IL17RD: variants seen among roughly 807,000 people sequenced by gnomAD.
IL17RD encodes the protein interleukin 17 receptor D, also known as interleukin-17 receptor D.
IL17RD carries 52 observed loss-of-function variants against 80.5 expected under a neutral mutation model. The ratio of observed to expected loss-of-function variants is 0.65; its 90% CI spans 0.52 to 0.81. The LOEUF (loss-of-function observed/expected upper bound fraction) is 0.81, where lower values mean the gene tolerates loss of function less well. IL17RD is among the 40% of genes least tolerant of loss of function. The pLI, the probability that IL17RD is intolerant of heterozygous loss-of-function variation, is 0.00. For missense variants in IL17RD, 1,024 were observed against 955.1 expected, an observed-to-expected ratio of 1.07 and a Z score of -0.95; for synonymous variants, 416 against 391.8, an observed-to-expected ratio of 1.06 and a Z score of -0.73.
chr3:57,155,642 G>A (rs1159264102), intron 1 of IL17RD, among the ~76,000 whole-genome samples: 1 of 152,164 alleles, frequency 6.6e-6, no homozygotes, highest in Non-Finnish European at 1.5e-5. Flanking sequence ...CCAGGCTGGA[G>A]TACAATGGCA....
At chr3:57,158,529 T>C (rs2060283433) in intron 1 of IL17RD, among the ~76,000 whole-genome samples, 2 of 152,256 alleles carry the variant, frequency 1.3e-5, no homozygotes, top group Admixed American at 1.3e-4. Flanking sequence ...CAGTGATTTG[T>C]TGAGGACAGC....
chr3:57,116,982 G>A (rs1242269617), intron 2 of IL17RD, among the ~76,000 whole-genome samples: 1 of 151,490 alleles, frequency 6.6e-6, no homozygotes, highest in Non-Finnish European at 1.5e-5. Context: ...GAATCAAACA[G>A]CTCTGAAAAG....
At chr3:57,128,709 C>T (rs989333676) in intron 1 of IL17RD, among the ~76,000 whole-genome samples, 6 of 152,112 alleles carry the variant, frequency 3.9e-5, no homozygotes, top group Middle Eastern at 3.2e-3. Flanking sequence ...TTCTTCCCCA[C>T]GCCTGACTTT....
intron 1 of IL17RD, among the ~76,000 whole-genome samples, chr3:57,127,567 G>T (rs1360809981): frequency 1.3e-5 from 2 of 150,400 alleles, no homozygotes; most frequent in East Asian, 3.9e-4. Flanking sequence ...CACCATGTCT[G>T]GCTAATTTTT....
intron 1 of IL17RD, among the ~76,000 whole-genome samples, chr3:57,154,128 G>T (rs2060250563): frequency 6.6e-6 from 1 of 150,680 alleles, no homozygotes; most frequent in South Asian, 2.1e-4. Flanking sequence ...ACACGCCTGT[G>T]GTCCCAGCTA....
upstream of IL17RD, among the ~76,000 whole-genome samples, chr3:57,167,582 T>G (rs1422423545): frequency 6.6e-6 from 1 of 152,178 alleles, no homozygotes; most frequent in African/African-American, 2.4e-5. Flanking sequence ...CTATACATGC[T>G]TTATAACTTA....
chr3:57,102,716 G>T, intron 9 of IL17RD, 127 bp from the exon 10 acceptor site: 2 of 483,912 alleles, frequency 4.1e-6, no homozygotes, highest in Non-Finnish European at 7.4e-6. Flanking sequence ...CCTTTCTCTA[G>T]TGTGGTTTGG....
In IL17RD at chr3:57,098,591, G is replaced by A. The variant is rs1231396914; in HGVS notation, c.1165-53C>T. 10 of 1,207,832 alleles carry A rather than the reference G, an allele frequency of 8.3e-6. No homozygotes were observed. In the African/African-American group the frequency reaches 9.1e-5, roughly 11 times the overall value. The allele number at this position is 1,207,832 out of a possible 1,614,324, so 74.8% of individuals were successfully genotyped here. A position where few individuals can be genotyped will look rare whatever the true frequency, so the allele number is the denominator to read the frequency against. ...ATACAGAAGGCTCGGGAAGAGGCTC[G>A]GGAAGTGAGTAACAGGAAGGGAAAT... On this transcript the variant is annotated intron_variant, in intron 11 of 12. Transcript: ENST00000296318.
chr3:57,119,156 T>C (rs1707279422), intron 2 of IL17RD, among the ~76,000 whole-genome samples: 1 of 151,986 alleles, frequency 6.6e-6, no homozygotes, highest in South Asian at 2.1e-4. Flanking sequence ...ATCAAGACCA[T>C]CCTGGCTAAC....
rs993908871 is a variant in IL17RD at position 57,091,637 on chromosome 3, A to C, written c.*4756T>G. ...GTGGAATTATTTATCACTGAAATAAAAACACCAGGGGGATGACTTCACTGT... is the reference window on the plus strand; with the variant it reads ...GTGGAATTATTTATCACTGAAATAACAACACCAGGGGGATGACTTCACTGT... On this transcript the variant is annotated 3_prime_UTR_variant, in exon 13 of 13. Coordinates refer to ENST00000296318, the MANE Select transcript of IL17RD (RefSeq NM_017563.5). 6.6e-6 allele frequency: 1 copy of C among 152,648 alleles called. No individual in the cohort carries two copies. Among genetic ancestry groups the C allele is most frequent in the African/African-American group, 2.4e-5 (1 of 41,464 alleles). 9.5% of individuals were successfully genotyped at this position (152,648 alleles called of 1,614,324 possible).
intron 1 of IL17RD, among the ~76,000 whole-genome samples, chr3:57,139,770 T>C (rs998566376): frequency 6.6e-6 from 1 of 152,060 alleles, no homozygotes; most frequent in African/African-American, 2.4e-5. Flanking sequence ...ACCTCAGCCT[T>C]CCTCCAAAAG....
chr3:57,125,233 C>A (rs1707434041), intron 1 of IL17RD, among the ~76,000 whole-genome samples: 1 of 152,052 alleles, frequency 6.6e-6, no homozygotes, highest in Non-Finnish European at 1.5e-5. Flanking sequence ...ATGGTAAAAC[C>A]CCGCCTCTAC....
intron 1 of IL17RD, among the ~76,000 whole-genome samples, chr3:57,148,959 A>G (rs1271784999): frequency 6.6e-6 from 1 of 152,066 alleles, no homozygotes; most frequent in African/African-American, 2.4e-5. Flanking sequence ...TAAAATGAAC[A>G]AGGTTGGAAG....
chr3:57,111,775 G>A (rs944573369), intron 3 of IL17RD, among the ~76,000 whole-genome samples: 8 of 148,640 alleles, frequency 5.4e-5, no homozygotes, highest in Admixed American at 6.8e-5. Context: ...TTGAGACCAC[G>A]GTGAAACCCT....
At chr3:57,148,504 CAT>C (rs897326663) in intron 1 of IL17RD, among the ~76,000 whole-genome samples, 4 of 152,184 alleles carry the variant, frequency 2.6e-5, no homozygotes, top group South Asian at 2.1e-4. Flanking sequence ...TTTAAGAACA[CAT>C]ATGTTTACAA....
At chr3:57,119,271 G>A (rs900157557) in intron 2 of IL17RD, among the ~76,000 whole-genome samples, 17 of 152,022 alleles carry the variant, frequency 1.1e-4, no homozygotes, top group Non-Finnish European at 1.5e-4. Flanking sequence ...AGAATGGCAC[G>A]GACCCGGGAG....
At chr3:57,164,765 A>T (rs1260029093) in intron 1 of IL17RD, among the ~76,000 whole-genome samples, 2 of 152,164 alleles carry the variant, frequency 1.3e-5, no homozygotes, top group African/African-American at 4.8e-5. Flanking sequence ...TTCCCTCTCC[A>T]AAGCGCAACC....
intron 1 of IL17RD, among the ~76,000 whole-genome samples, chr3:57,131,770 C>T (rs980621733): frequency 6.6e-6 from 1 of 152,356 alleles, no homozygotes; most frequent in Non-Finnish European, 1.5e-5. Context: ...TTTCAGGAGG[C>T]TTCTGGACCC....
intron 1 of IL17RD, among the ~76,000 whole-genome samples, chr3:57,160,714 G>T (rs2060298175): frequency 6.6e-6 from 1 of 152,190 alleles, no homozygotes; most frequent in South Asian, 2.1e-4. Context: ...TAAATGTTTA[G>T]AATGTGTGTT....
Sources: gnomAD v4.1 joint callset for allele counts (sites outside exome capture counted in the v4.1 genomes callset) on GRCh38, gnomAD v4.1.1 for gene constraint, MANE v1.5 for transcripts, NCBI Gene and HGNC (gene_info 2026-07-23, HGNC 2026-07-21) for gene names.